Variants in PCDH15 observed in about 807,000 individuals in gnomAD.
The protein encoded by PCDH15 is protocadherin-15.
PCDH15 carries 129 observed loss-of-function variants against 178.5 expected under a neutral mutation model. That is an observed-to-expected ratio of 0.72 (90% CI 0.63 to 0.84). PCDH15 has a LOEUF of 0.84. PCDH15 is among the 40% of genes least tolerant of loss of function. The probability of loss-of-function intolerance (pLI) is 0.00; values close to 1 mark genes in which losing one functional copy is unlikely to be tolerated. For missense variants in PCDH15, 2,230 were observed against 2,099.9 expected (o/e 1.06, Z -1.21); for synonymous variants, 800 against 732.0 (o/e 1.09, Z -1.50).
At chr10:54,288,676 C>T (rs1012040443) in intron 8 of PCDH15, among the ~76,000 whole-genome samples, 2 of 152,216 alleles carry the variant, frequency 1.3e-5, no homozygotes, top group African/African-American at 4.8e-5. Context: ...TGTGCTTTTC[C>T]CAAGGTCTTC....
intron 33 of PCDH15, among the ~76,000 whole-genome samples, chr10:53,819,339 A>G (rs953066299): frequency 6.6e-6 from 1 of 151,980 alleles, no homozygotes; most frequent in Admixed American, 6.6e-5. Flanking sequence ...ACTATAACTC[A>G]ATGTTAATGT....
intron 8 of PCDH15, among the ~76,000 whole-genome samples, chr10:54,241,158 C>T (rs1336953629): frequency 1.3e-5 from 2 of 152,182 alleles, no homozygotes; most frequent in Non-Finnish European, 2.9e-5. Flanking sequence ...ACTGCCAGGT[C>T]TTCCACAGTT....
intron 6 of PCDH15, among the ~76,000 whole-genome samples, chr10:54,339,608 G>C (rs1941857347): frequency 6.6e-6 from 1 of 152,142 alleles, no homozygotes; most frequent in Admixed American, 6.5e-5. Flanking sequence ...CAATAGTGCA[G>C]ACTGACAAAG....
chr10:55,045,134 C>A (rs1840966565), intron 2 of PCDH15, among the ~76,000 whole-genome samples: 1 of 152,090 alleles, frequency 6.6e-6, no homozygotes, highest in Admixed American at 6.6e-5. Flanking sequence ...ACTAAACTCT[C>A]TGATAAAATT....
At chr10:55,256,124 G>C (rs986688950) in intron 1 of PCDH15, among the ~76,000 whole-genome samples, 9 of 152,218 alleles carry the variant, frequency 5.9e-5, no homozygotes, top group African/African-American at 2.2e-4. Context: ...ATTAATTTTT[G>C]TATAAGGTGT....
In PCDH15 at chr10:53,885,133, G is replaced by A. The variant is rs189362881; in HGVS notation, c.3501+18110C>T. On this transcript the variant is annotated intron_variant, in intron 26 of 37. Coordinates refer to ENST00000644397, the MANE Select transcript of PCDH15 (RefSeq NM_001384140.1). ...AATGTTGACCATACCTATATACAAT[G>A]GGGTACTTATGGTCTCTCTATAAAC... Among the ~76,000 whole-genome samples the A allele has an allele frequency of 1.4e-4, 21 of 152,166 alleles. No homozygotes were observed. The East Asian group carries it at 4.1e-3, about 29-fold the overall frequency.
chr10:54,054,258 A>G (rs2660154), intron 18 of PCDH15, among the ~76,000 whole-genome samples: 31,737 of 152,030 alleles, frequency 0.21, 3,497 homozygotes, highest in Non-Finnish European at 0.23. Context: ...TGTAATTGCA[A>G]TTGATAAAAA....
intron 25 of PCDH15, among the ~76,000 whole-genome samples, chr10:53,929,393 TATC>T (rs1371372395): frequency 6.6e-6 from 1 of 152,138 alleles, no homozygotes; most frequent in Non-Finnish European, 1.5e-5. Flanking sequence ...TTAATGATAT[TATC>T]GTGTTAATTT....
chr10:54,163,790 G>C (rs1422700200), intron 13 of PCDH15, among the ~76,000 whole-genome samples: 1 of 152,074 alleles, frequency 6.6e-6, no homozygotes, highest in Admixed American at 6.6e-5. Context: ...AATGATTACA[G>C]AGTAATCAAT....
Position 55,257,840 on chromosome 10 carries a change from A to G in PCDH15, c.-156+61759T>C, listed in dbSNP as rs897189957. 2.6e-5 allele frequency among the ~76,000 whole-genome samples: 4 copies of G among 152,290 alleles called. No homozygotes were observed. In the South Asian group the frequency reaches 8.3e-4, roughly 32 times the overall value. ...GAGAACTTCCCCAATCTAGCAAGGC[A>G]GGCCAACATTCAAATTCAGGAAATA... is the stretch of plus-strand genomic sequence containing the variant. On this transcript the variant is annotated intron_variant, in intron 1 of 5. Transcript: ENST00000458638.
chr10:54,058,092 C>T (rs1341227225), intron 18 of PCDH15, among the ~76,000 whole-genome samples: 1 of 152,168 alleles, frequency 6.6e-6, no homozygotes, highest in Non-Finnish European at 1.5e-5. Flanking sequence ...GCCTTTTGAG[C>T]CCTCCAAGTC....
At chr10:54,673,460 T>A (rs1047895852) in intron 1 of PCDH15, among the ~76,000 whole-genome samples, 17 of 152,124 alleles carry the variant, frequency 1.1e-4, no homozygotes, top group African/African-American at 3.6e-4. Context: ...TGTTTTGAGA[T>A]GGAGTTTTGC....
chr10:53,961,718 T>C (rs751162104), intron 22 of PCDH15, 34 bp downstream of exon 22: 7 of 1,513,938 alleles, frequency 4.6e-6, no homozygotes, highest in Non-Finnish European at 6.2e-6. Flanking sequence ...AAATTAAACA[T>C]CAAATAGACC....
At chr10:54,281,845 T>C (rs547735360) in intron 8 of PCDH15, among the ~76,000 whole-genome samples, 65 of 152,168 alleles carry the variant, frequency 4.3e-4, no homozygotes, top group Admixed American at 6.6e-4. Context: ...AAATTGTACA[T>C]AACTATCAGG....
chr10:54,685,678 G>A (rs2094983976), intron 1 of PCDH15, among the ~76,000 whole-genome samples: 1 of 152,150 alleles, frequency 6.6e-6, no homozygotes, highest in African/African-American at 2.4e-5. Flanking sequence ...AATATTGTAA[G>A]TTAAAATGCA....
At chr10:54,152,961 C>T (rs1356453516) in intron 14 of PCDH15, 139 bp downstream of exon 14, 2 of 1,047,750 alleles carry the variant, frequency 1.9e-6, no homozygotes, top group Non-Finnish European at 2.8e-6. Flanking sequence ...CATGCAGTTC[C>T]TGAGAATCTG....
chr10:55,054,152 C>T (rs1164566338), intron 2 of PCDH15, among the ~76,000 whole-genome samples: 1 of 152,110 alleles, frequency 6.6e-6, no homozygotes, highest in African/African-American at 2.4e-5. Context: ...TTAAATCCTA[C>T]TCATGTACTG....
chr10:54,481,098 A>T (rs2078684401), intron 3 of PCDH15, among the ~76,000 whole-genome samples: 1 of 151,904 alleles, frequency 6.6e-6, no homozygotes, highest in Non-Finnish European at 1.5e-5. Flanking sequence ...TTCTGAATTG[A>T]AAAGAATTTT....
chr10:55,118,996 T>A (rs911708622), intron 2 of PCDH15, among the ~76,000 whole-genome samples: 1 of 152,186 alleles, frequency 6.6e-6, no homozygotes, highest in Non-Finnish European at 1.5e-5. Flanking sequence ...TTGAGGACCA[T>A]GCTCCCTCTG....
Sources: gnomAD v4.1 joint callset for allele counts (sites outside exome capture counted in the v4.1 genomes callset) on GRCh38, gnomAD v4.1.1 for gene constraint, MANE v1.5 for transcripts, NCBI Gene and HGNC (gene_info 2026-07-23, HGNC 2026-07-21) for gene names.